SGCZ: variants seen among roughly 807,000 people sequenced by gnomAD.
SGCZ encodes sarcoglycan zeta.
SGCZ carries 40 observed loss-of-function variants against 41.3 expected under a neutral mutation model. The observed-to-expected ratio is 0.97, with a 90% CI of 0.75 to 1.26. SGCZ has a LOEUF of 1.26. Ranked by LOEUF, SGCZ falls within the 50% of genes most tolerant of loss-of-function variation. The pLI is 0.00. For synonymous variants in SGCZ, 206 were observed against 137.5 expected, an observed-to-expected ratio of 1.50 and a Z score of -3.49; for missense variants, 552 against 369.8, an observed-to-expected ratio of 1.49 and a Z score of -4.04.
At chr8:14,221,664 G>A (rs931477881) in intron 4 of SGCZ, among the ~76,000 whole-genome samples, 5 of 152,058 alleles carry the variant, frequency 3.3e-5, no homozygotes, top group Admixed American at 2.6e-4. Context: ...GGTCGGGTGT[G>A]GTGGCTCATG....
chr8:14,290,420 T>C (rs1800800035), intron 3 of SGCZ, among the ~76,000 whole-genome samples: 1 of 152,030 alleles, frequency 6.6e-6, no homozygotes, highest in Non-Finnish European at 1.5e-5. Flanking sequence ...TAGGAGAATA[T>C]ATTTGACAAC....
At chr8:14,609,268 A>T (rs4831613) in intron 1 of SGCZ, among the ~76,000 whole-genome samples, 94,545 of 151,892 alleles carry the variant, frequency 0.62, 29,540 homozygotes, top group East Asian at 0.72. Context: ...TTTCCTTATT[A>T]ATTCTTTGAT....
intron 2 of SGCZ, among the ~76,000 whole-genome samples, chr8:14,488,447 CT>C (rs1207665123): frequency 2.6e-5 from 4 of 152,076 alleles, no homozygotes; most frequent in African/African-American, 9.7e-5. Context: ...ATGCTAGGCC[CT>C]TCGCTTGTGC....
At chr8:14,783,244 G>A (rs766761928) in intron 1 of SGCZ, among the ~76,000 whole-genome samples, 8 of 152,260 alleles carry the variant, frequency 5.3e-5, no homozygotes, top group Non-Finnish European at 1.0e-4. Flanking sequence ...GACAAGCCTG[G>A]TCAACATGGC....
At chr8:14,274,457 C>A (rs1170167558) in intron 3 of SGCZ, among the ~76,000 whole-genome samples, 1 of 152,110 alleles carries the variant, frequency 6.6e-6, no homozygotes, top group Non-Finnish European at 1.5e-5. Context: ...TTTGACAAAT[C>A]CAAATAGCAC....
chr8:14,329,317 G>C (rs555096869), intron 2 of SGCZ, among the ~76,000 whole-genome samples: 228 of 152,288 alleles, frequency 1.5e-3, no homozygotes, highest in African/African-American at 5.3e-3. Context: ...CAGGGATGTT[G>C]TATTAATTTA....
At chr8:14,854,837 G>A (rs1803486338) in intron 1 of SGCZ, among the ~76,000 whole-genome samples, 1 of 151,804 alleles carries the variant, frequency 6.6e-6, no homozygotes, top group African/African-American at 2.4e-5. Context: ...GCAGAGAGTG[G>A]CCCTCTTTAA....
chr8:14,810,095 G>A (rs943617719), intron 1 of SGCZ, among the ~76,000 whole-genome samples: 18 of 152,016 alleles, frequency 1.2e-4, no homozygotes, highest in African/African-American at 4.3e-4. Context: ...TTTCAGTGCT[G>A]AAGGTAAGGA....
At chr8:14,562,382 C>A (rs1346619266) in intron 1 of SGCZ, among the ~76,000 whole-genome samples, 2 of 151,794 alleles carry the variant, frequency 1.3e-5, no homozygotes, top group African/African-American at 4.8e-5. Flanking sequence ...ACAATATGTG[C>A]ATAGAAAAAT....
rs1563124092 is a variant in SGCZ, at chr8:15,097,884, GTGTGTATA to G, written c.39+139693_39+139700del. Reference sequence around the variant, plus strand: ...TGTGTGTGTATATATATATATATACGTGTGTATATATATATATATATATATACGTGTGT... The same window carrying G: ...TGTGTGTGTATATATATATATATACGTATATATATATATATATACGTGTGT... On this transcript the variant is annotated intron_variant, in intron 1 of 7. Coordinates refer to ENST00000382080, the MANE Select transcript of SGCZ (RefSeq NM_139167.4). 3.8e-3 allele frequency among the ~76,000 whole-genome samples: 59 copies of G among 15,630 alleles called. 3 individuals carry two copies. The highest frequency in any genetic ancestry group is 0.011 in the African/African-American group (58 of 5,512). The allele number at this position is 15,630 out of a possible 152,430, so 10.3% of individuals were successfully genotyped here.
intron 1 of SGCZ, among the ~76,000 whole-genome samples, chr8:14,613,745 G>C (rs754133281): frequency 6.6e-6 from 1 of 152,068 alleles, no homozygotes; most frequent in Non-Finnish European, 1.5e-5. Context: ...AAGAATTATG[G>C]AGAGGGTTAC....
chr8:14,758,443 T>C (rs2251611), intron 1 of SGCZ, among the ~76,000 whole-genome samples: 86,196 of 151,986 alleles, frequency 0.57, 24,690 homozygotes, highest in East Asian at 0.71. Flanking sequence ...TCCAATAATT[T>C]CCTGGCATAA....
At chr8:15,237,231 G>A (rs1194229707) in intron 1 of SGCZ, among the ~76,000 whole-genome samples, 1 of 148,824 alleles carries the variant, frequency 6.7e-6, no homozygotes, top group Non-Finnish European at 1.5e-5. Flanking sequence ...GCAGGCGACA[G>A]CGGGCAGAGC....
chr8:15,207,695 C>T (rs1035629937), intron 1 of SGCZ, among the ~76,000 whole-genome samples: 2 of 151,976 alleles, frequency 1.3e-5, no homozygotes, highest in African/African-American at 4.8e-5. Flanking sequence ...TTCCCCATTA[C>T]TCAAATAGAA....
chr8:14,170,168 C>A (rs1348244140), intron 4 of SGCZ, among the ~76,000 whole-genome samples: 1 of 149,176 alleles, frequency 6.7e-6, no homozygotes, highest in Non-Finnish European at 1.5e-5. Context: ...CCACTTTCAA[C>A]AATCACTGCA....
intron 4 of SGCZ, among the ~76,000 whole-genome samples, chr8:14,188,821 T>C (rs1421818965): frequency 6.0e-5 from 1 of 16,804 alleles, no homozygotes; most frequent in Non-Finnish European, 1.1e-4. Flanking sequence ...TGTTTGTTTC[T>C]TTGTTTTTTT....
At chr8:14,939,910 C>A (rs559341426) in intron 1 of SGCZ, among the ~76,000 whole-genome samples, 6 of 152,146 alleles carry the variant, frequency 3.9e-5, no homozygotes, top group Non-Finnish European at 7.4e-5. Flanking sequence ...ACTTCCTTCT[C>A]TACCTAGTTT....
intron 1 of SGCZ, among the ~76,000 whole-genome samples, chr8:15,093,721 C>T (rs570502828): frequency 3.8e-4 from 58 of 152,264 alleles, no homozygotes; most frequent in African/African-American, 1.3e-3. Context: ...ATATTATCCT[C>T]AAGGTTAATT....
At chr8:14,255,469 A>T (rs867013681) in intron 3 of SGCZ, among the ~76,000 whole-genome samples, 1 of 152,150 alleles carries the variant, frequency 6.6e-6, no homozygotes, top group Non-Finnish European at 1.5e-5. Context: ...ATGTAAAAAA[A>T]TTTCTTGAGG....
Sources: gnomAD v4.1 joint callset for allele counts (sites outside exome capture counted in the v4.1 genomes callset) on GRCh38, gnomAD v4.1.1 for gene constraint, MANE v1.5 for transcripts, NCBI Gene and HGNC (gene_info 2026-07-23, HGNC 2026-07-21) for gene names.